VOPP1: variants seen among roughly 807,000 people sequenced by gnomAD.
VOPP1 encodes the protein WW domain binding protein VOPP1.
A neutral mutation model predicts 23.5 loss-of-function variants in VOPP1; 8 were observed. The observed-to-expected ratio is 0.34, with a 90% CI of 0.20 to 0.61. VOPP1 has a LOEUF of 0.61. Among genes scored for constraint, VOPP1 ranks in the 20% least tolerant of loss-of-function variants. The pLI, the probability that VOPP1 is intolerant of heterozygous loss-of-function variation, is 0.78. For synonymous variants in VOPP1, 83 were observed against 97.3 expected (o/e 0.85, Z 0.86); for missense variants, 174 against 238.1 (o/e 0.73, Z 1.77).
intron 4 of VOPP1, among the ~76,000 whole-genome samples, chr7:55,488,787 A>T (rs2129017135): frequency 6.6e-6 from 1 of 152,338 alleles, no homozygotes. Flanking sequence ...AGACCAGCAG[A>T]GGAAAAATGG....
At chr7:55,499,088 A>C (rs773595964) in intron 2 of VOPP1, among the ~76,000 whole-genome samples, 1 of 151,966 alleles carries the variant, frequency 6.6e-6, no homozygotes, top group South Asian at 2.1e-4. Context: ...CCAGTACCCA[A>C]AGTGTTGTGA....
Position 55,519,198 on chromosome 7 carries a change from G to A in VOPP1, c.113+1874C>T, listed in dbSNP as rs141262073. On this transcript the variant is annotated intron_variant, in intron 2 of 4. Coordinates refer to ENST00000285279, the MANE Select transcript of VOPP1 (RefSeq NM_030796.5). Reference sequence around the variant, plus strand: ...TTTTTCTGGACAGTGCACCTAGGGAGCTCTGGATCCTTCTCCCCACCATTG... The same window carrying A: ...TTTTTCTGGACAGTGCACCTAGGGAACTCTGGATCCTTCTCCCCACCATTG... Among the ~76,000 whole-genome samples the A allele has an allele frequency of 3.6e-3, 551 of 152,328 alleles. 2 individuals are homozygous for A. The highest frequency in any genetic ancestry group is 0.012 in the African/African-American group (503 of 41,570).
intron 1 of VOPP1, among the ~76,000 whole-genome samples, chr7:55,527,429 C>T (rs75203654): frequency 0.011 from 1,672 of 152,318 alleles, 11 homozygotes; most frequent in Middle Eastern, 0.02. Flanking sequence ...CTGAAATTCA[C>T]ACACAGCCAG....
intron 4 of VOPP1, among the ~76,000 whole-genome samples, chr7:55,438,345 A>G (rs1253381468): frequency 6.6e-6 from 1 of 152,174 alleles, no homozygotes; most frequent in Admixed American, 6.5e-5. Flanking sequence ...AGGCGAAGAC[A>G]CTCACCTGAA....
At chr7:55,537,524 G>T (rs201798129) in intron 1 of VOPP1, 9 of 1,535,974 alleles carry the variant, frequency 5.9e-6, no homozygotes, top group Non-Finnish European at 7.8e-6. Flanking sequence ...CCCGTCCTTC[G>T]CATTCTGTTA....
chr7:55,479,262 G>A (rs745651389), intron 4 of VOPP1, among the ~76,000 whole-genome samples: 7 of 151,118 alleles, frequency 4.6e-5, no homozygotes, highest in Non-Finnish European at 8.8e-5. Context: ...CCATTAACTC[G>A]TCATTTAGCG....
intron 1 of VOPP1, among the ~76,000 whole-genome samples, chr7:55,555,398 T>G (rs1314439572): frequency 6.6e-6 from 1 of 152,202 alleles, no homozygotes; most frequent in African/African-American, 2.4e-5. Context: ...TACTGCCTCT[T>G]TTCACCGCAC....
chr7:55,538,760 G>A, intron 1 of VOPP1: 1 of 1,089,088 alleles, frequency 9.2e-7, no homozygotes, highest in Non-Finnish European at 1.3e-6. Flanking sequence ...GCTTTCTAAG[G>A]GGAATGCTGT....
intron 4 of VOPP1, among the ~76,000 whole-genome samples, chr7:55,444,680 G>C (rs750795732): frequency 8.6e-5 from 13 of 150,710 alleles, no homozygotes; most frequent in Non-Finnish European, 1.8e-4. Flanking sequence ...CTGCTCAGTT[G>C]CTGGGGCACA....
chr7:55,568,294 T>C (rs1342369975), intron 1 of VOPP1, among the ~76,000 whole-genome samples: 3 of 152,156 alleles, frequency 2.0e-5, no homozygotes, highest in African/African-American at 7.2e-5. Context: ...TTAGCCAGGA[T>C]GGTCTCGATC....
chr7:55,537,406 CACATA>C (rs1796862243), intron 1 of VOPP1: 2 of 1,501,298 alleles, frequency 1.3e-6, no homozygotes, highest in African/African-American at 1.4e-5. Flanking sequence ...CTGGAGGTAA[CACATA>C]ACTGCCCACC....
At position 55,487,125 on chromosome 7, in the gene VOPP1, T is replaced by G. The variant is rs376651659; in HGVS notation, c.328+5157A>C. On this transcript the variant is annotated intron_variant, in intron 4 of 4. Transcript: ENST00000285279. ...AGCAGCCCTGTTTGTGCTTGGGCTA[T>G]GACTTGAGGGTAATTAAACTGTCAA... Among the ~76,000 whole-genome samples, 3 of 152,352 alleles carry G rather than the reference T, an allele frequency of 2.0e-5. No homozygotes were observed. The East Asian group carries it at 5.8e-4, about 29-fold the overall frequency.
intron 4 of VOPP1, among the ~76,000 whole-genome samples, chr7:55,445,234 C>T (rs815950): frequency 0.32 from 47,022 of 147,882 alleles, 7,879 homozygotes; most frequent in East Asian, 0.55. Flanking sequence ...CACACAGACA[C>T]ACACACACAG....
At chr7:55,544,774 T>C (rs772032156) in intron 1 of VOPP1, among the ~76,000 whole-genome samples, 3 of 152,138 alleles carry the variant, frequency 2.0e-5, no homozygotes, top group Non-Finnish European at 2.9e-5. Flanking sequence ...ACTAAGCTAA[T>C]GAAACCACGA....
At chr7:55,534,772 C>G (rs1045423551) in intron 1 of VOPP1, among the ~76,000 whole-genome samples, 1 of 152,232 alleles carries the variant, frequency 6.6e-6, no homozygotes, top group Admixed American at 6.5e-5. Context: ...ACCAGACATC[C>G]CTACAGCTGA....
At chr7:55,532,596 C>A (rs879285388) in intron 1 of VOPP1, among the ~76,000 whole-genome samples, 7 of 152,028 alleles carry the variant, frequency 4.6e-5, no homozygotes, top group South Asian at 2.1e-4. Flanking sequence ...AACAAACAAA[C>A]AAAAAACAGA....
intron 1 of VOPP1, among the ~76,000 whole-genome samples, chr7:55,561,697 GAAAAAA>G (rs10548276): frequency 1.1e-5 from 1 of 93,858 alleles, no homozygotes; most frequent in Middle Eastern, 4.9e-3. Context: ...ACTCTGTCTG[GAAAAAA>G]AAAAAAAAAA....
At chr7:55,447,737 C>T (rs1791138232) in intron 4 of VOPP1, among the ~76,000 whole-genome samples, 1 of 152,026 alleles carries the variant, frequency 6.6e-6, no homozygotes, top group Admixed American at 6.6e-5. Flanking sequence ...AGATTTAATG[C>T]TATGTTTCAT....
intron 4 of VOPP1, among the ~76,000 whole-genome samples, chr7:55,464,505 T>C (rs1050437646): frequency 2.6e-5 from 4 of 152,176 alleles, no homozygotes; most frequent in African/African-American, 9.7e-5. Flanking sequence ...GTCAATGGCG[T>C]GGCCCAACCC....
Sources: gnomAD v4.1 joint callset for allele counts (sites outside exome capture counted in the v4.1 genomes callset) on GRCh38, gnomAD v4.1.1 for gene constraint, MANE v1.5 for transcripts, NCBI Gene and HGNC (gene_info 2026-07-23, HGNC 2026-07-21) for gene names.